LIPA: variants seen among roughly 807,000 people sequenced by gnomAD.
The protein encoded by LIPA is lipase A, lysosomal acid type.
In LIPA, 26 loss-of-function variants were observed where a neutral mutation model predicts 40.6. The observed-to-expected ratio is 0.64, with a 90% CI of 0.47 to 0.89. The LOEUF (loss-of-function observed/expected upper bound fraction) is 0.89. Ranked by LOEUF, LIPA falls within the 40% of genes least tolerant of loss-of-function variation. The pLI is 0.00. For missense variants in LIPA, 455 were observed against 479.6 expected, an observed-to-expected ratio of 0.95 and a Z score of 0.48; for synonymous variants, 188 against 168.4, an observed-to-expected ratio of 1.12 and a Z score of -0.90.
chr10:89,267,781 T>C (rs867962818), intron 1 of LIPA, among the ~76,000 whole-genome samples: 9 of 149,908 alleles, frequency 6.0e-5, no homozygotes, highest in Middle Eastern at 3.5e-3. Context: ...ATAATTACTC[T>C]ACCATCACTT....
chr10:89,267,967 G>A (rs974749868), intron 1 of LIPA, among the ~76,000 whole-genome samples: 1 of 152,108 alleles, frequency 6.6e-6, no homozygotes, highest in Non-Finnish European at 1.5e-5. Flanking sequence ...AATAAGCTGT[G>A]GGTGGCTATG....
In LIPA at chr10:89,228,433, C is replaced by T. The variant is rs960545768; in HGVS notation, c.230-35G>A. 4 of 1,555,888 alleles carry T rather than the reference C, an allele frequency of 2.6e-6. No individual in the cohort carries two copies. The South Asian group carries it at 3.3e-5, about 13-fold the overall frequency. ...ATTCATTGTTTAGGAGGCAGTAGCA[C>T]CAAGCTTCAAAACAAATATGATATC... On this transcript the variant is annotated intron_variant, in intron 3 of 9. Coordinates refer to ENST00000336233, the MANE Select transcript of LIPA (RefSeq NM_000235.4).
intron 2 of LIPA, among the ~76,000 whole-genome samples, chr10:89,398,068 T>C (rs79739660): frequency 2.0e-5 from 3 of 152,184 alleles, no homozygotes; most frequent in Admixed American, 2.0e-4. Flanking sequence ...AAACAATCAT[T>C]TCCTATTCCC....
chr10:89,382,075 CT>C (rs1406481685), intron 2 of LIPA, among the ~76,000 whole-genome samples: 5 of 151,920 alleles, frequency 3.3e-5, no homozygotes, highest in African/African-American at 4.8e-5. Flanking sequence ...TGGCCGTGAA[CT>C]TTTTCTTTCC....
At chr10:89,389,982 T>C (rs1464222232) in intron 2 of LIPA, among the ~76,000 whole-genome samples, 3 of 141,800 alleles carry the variant, frequency 2.1e-5, no homozygotes, top group East Asian at 2.0e-4. Flanking sequence ...TTTCTTTTTT[T>C]TTTTTTTTTT....
At chr10:89,355,647 G>T (rs1186766154) in intron 2 of LIPA, among the ~76,000 whole-genome samples, 1 of 152,198 alleles carries the variant, frequency 6.6e-6, no homozygotes, top group Non-Finnish European at 1.5e-5. Flanking sequence ...GACATAGGAG[G>T]TCAGGACAAG....
intron 2 of LIPA, among the ~76,000 whole-genome samples, chr10:89,374,610 C>T (rs1456035489): frequency 6.6e-6 from 1 of 152,214 alleles, no homozygotes; most frequent in Non-Finnish European, 1.5e-5. Flanking sequence ...GTGTAAGCAG[C>T]TCTCCTAATG....
chr10:89,413,837 G>A (rs960556443), intron 1 of LIPA, among the ~76,000 whole-genome samples: 2 of 151,468 alleles, frequency 1.3e-5, no homozygotes. Context: ...TTTGAATACA[G>A]ACATTAACTC....
At chr10:89,289,451 C>T (rs1369095989) in intron 1 of LIPA, among the ~76,000 whole-genome samples, 1 of 152,296 alleles carries the variant, frequency 6.6e-6, no homozygotes, top group East Asian at 1.9e-4. Flanking sequence ...GGCAAATTGA[C>T]TTTACTCACA....
At chr10:89,248,442 ATATTTATTTAT>A (rs1230717977) in intron 1 of LIPA, among the ~76,000 whole-genome samples, 4,336 of 136,374 alleles carry the variant, frequency 0.032, 142 homozygotes, top group Middle Eastern at 0.072. Flanking sequence ...TTATTATTTT[ATATTTATTTAT>A]TTATTTATTT....
chr10:89,360,070 C>A (rs922205344), intron 2 of LIPA, among the ~76,000 whole-genome samples: 2 of 152,080 alleles, frequency 1.3e-5, no homozygotes, highest in East Asian at 3.8e-4. Flanking sequence ...CTAAGTGGGG[C>A]AGAATTGGGT....
Position 89,375,359 on chromosome 10 carries a change from A to C in LIPA, c.61+37432T>G, listed in dbSNP as rs1844114043. On this transcript the variant is annotated intron_variant, in intron 2 of 8. Transcript: ENST00000371837. ...ATCTTGTGCGCACAAAGACAAGTAAAGGTAAAGGGTTTTAATAGTTCTCAT... is the reference window on the plus strand; with the variant it reads ...ATCTTGTGCGCACAAAGACAAGTAACGGTAAAGGGTTTTAATAGTTCTCAT... Among the ~76,000 whole-genome samples, 4 of 152,328 alleles carry C rather than the reference A, an allele frequency of 2.6e-5. No homozygotes were observed. In the South Asian group the frequency reaches 8.3e-4, roughly 32 times the overall value.
chr10:89,226,758 C>G (rs1318716900), intron 5 of LIPA, 137 bp downstream of exon 5: 8 of 648,460 alleles, frequency 1.2e-5, no homozygotes, highest in Admixed American at 5.0e-5. Context: ...CATTCCTTAT[C>G]TTATTCATTA....
chr10:89,240,943 C>T lies in LIPA; in HGVS notation c.229+4733G>A, dbSNP rs114215830. ...AGAGAATCAGAAAAGTCTTCATCCC[C>T]GCAGAGTCTGGTGGGGATGACAGAG... On this transcript the variant is annotated intron_variant, in intron 3 of 9. Transcript: ENST00000336233. Among the ~76,000 whole-genome samples the T allele has an allele frequency of 3.6e-3, 552 of 152,226 alleles. 8 individuals are homozygous for T. Among genetic ancestry groups the T allele is most frequent in the African/African-American group, 0.012 (513 of 41,530 alleles).
chr10:89,299,571 T>A (rs1242371351), intron 1 of LIPA, among the ~76,000 whole-genome samples: 1 of 152,008 alleles, frequency 6.6e-6, no homozygotes, highest in Non-Finnish European at 1.5e-5. Context: ...CTATCTAAAG[T>A]CAGTGACAAA....
intron 1 of LIPA, chr10:89,338,759 AAGAT>A (rs759407441): frequency 6.2e-7 from 1 of 1,614,036 alleles, no homozygotes; most frequent in South Asian, 1.1e-5. Context: ...AGGGATCTAG[AAGAT>A]AGAGTGTGTA....
intron 1 of LIPA, among the ~76,000 whole-genome samples, chr10:89,277,079 C>A (rs1324086747): frequency 6.6e-6 from 1 of 152,142 alleles, no homozygotes; most frequent in Non-Finnish European, 1.5e-5. Flanking sequence ...ATGCCAAACC[C>A]AGTCACATAA....
At chr10:89,381,608 G>T (rs944397331) in intron 2 of LIPA, among the ~76,000 whole-genome samples, 5 of 152,152 alleles carry the variant, frequency 3.3e-5, no homozygotes, top group Admixed American at 2.6e-4. Context: ...GAGGGTCTAA[G>T]CATAGTAGGG....
At chr10:89,364,638 CATATATA>C (rs1325215922) in intron 2 of LIPA, among the ~76,000 whole-genome samples, 1 of 149,452 alleles carries the variant, frequency 6.7e-6, no homozygotes, top group Admixed American at 6.7e-5. Flanking sequence ...CTAAAGTATT[CATATATA>C]TGTATACATA....
Sources: gnomAD v4.1 joint callset for allele counts (sites outside exome capture counted in the v4.1 genomes callset) on GRCh38, gnomAD v4.1.1 for gene constraint, MANE v1.5 for transcripts, NCBI Gene and HGNC (gene_info 2026-07-23, HGNC 2026-07-21) for gene names.